The following C10orf53 variants were observed in gnomAD, a reference collection of about 807,000 sequenced individuals.
The protein encoded by C10orf53 is UPF0728 protein C10orf53.
C10orf53 carries 8 observed loss-of-function variants against 9.4 expected under a neutral mutation model. The observed-to-expected ratio is 0.85, with a 90% CI of 0.50 to 1.53. The LOEUF (loss-of-function observed/expected upper bound fraction) is 1.53, where lower values mean the gene tolerates loss of function less well. Ranked by LOEUF, C10orf53 falls within the 40% of genes most tolerant of loss-of-function variation. C10orf53 has a pLI of 0.00. For missense variants in C10orf53, 117 were observed against 117.8 expected, an observed-to-expected ratio of 0.99 and a Z score of 0.03; for synonymous variants, 48 against 46.0, an observed-to-expected ratio of 1.04 and a Z score of -0.18.
In C10orf53 at chr10:49,693,880, G is replaced by T; in HGVS notation, c.204G>T (p.Lys68Asn). The change falls in exon 2 of 3, where the codon AAG (lysine) becomes AAT (asparagine). Residue 68 changes from lysine (K) to asparagine (N), a missense_variant. Coordinates refer to ENST00000374111, the MANE Select transcript of C10orf53 (RefSeq NM_001042427.3). Reference protein sequence around the residue: ...NEEVIFHCNIKDLEFGGDGKL... With the variant: ...NEEVIFHCNINDLEFGGDGKL... ...AAGTCATCTTCCACTGCAACATTAAGGACTTGGAGTTCGGTAAGCCCTTTG... is the reference window on the plus strand; with the variant it reads ...AAGTCATCTTCCACTGCAACATTAATGACTTGGAGTTCGGTAAGCCCTTTG... 2.5e-6 allele frequency: 4 copies of T among 1,614,274 alleles called. No homozygotes were observed. Among genetic ancestry groups the T allele is most frequent in the Non-Finnish European group, 3.4e-6 (4 of 1,180,046 alleles).
chr10:49,697,304 C>T lies in C10orf53; in HGVS notation c.*2702C>T, dbSNP rs1840644475. On this transcript the variant is annotated 3_prime_UTR_variant, in exon 3 of 3. Transcript: ENST00000374111. ...TGGAAATCTCTGAAGAATGTGCTGT[C>T]ATCCTCCTCCTTTGCCTCCCTCTCT... Among the ~76,000 whole-genome samples the T allele has an allele frequency of 6.6e-6, 1 of 152,202 alleles. No homozygotes were observed. Among genetic ancestry groups the T allele is most frequent in the South Asian group, 2.1e-4 (1 of 4,830 alleles).
chr10:49,701,967 C>T (rs757623954), downstream of C10orf53, among the ~76,000 whole-genome samples: 17 of 152,140 alleles, frequency 1.1e-4, no homozygotes, highest in South Asian at 1.7e-3. Flanking sequence ...TTTGGGAGGC[C>T]GAGGTGGGTG....
At chr10:49,703,145 C>T (rs1051850460) in intron 2 of C10orf53, among the ~76,000 whole-genome samples, 2 of 152,134 alleles carry the variant, frequency 1.3e-5, no homozygotes, top group Admixed American at 1.3e-4. Context: ...CCCGCCAATT[C>T]CACCAAGACT....
At chr10:49,707,252 C>A (rs1167290655) in intron 2 of C10orf53, among the ~76,000 whole-genome samples, 1 of 152,110 alleles carries the variant, frequency 6.6e-6, no homozygotes, top group African/African-American at 2.4e-5. Flanking sequence ...AGGTGAGGGA[C>A]CTGACCAAGC....
Position 49,708,627 on chromosome 10 carries a change from G to T in C10orf53, c.*10G>T, listed in dbSNP as rs758325942. The T allele has an allele frequency of 3.7e-6, 6 of 1,612,968 alleles. No homozygotes were observed. In the East Asian group the frequency reaches 1.3e-4, roughly 36 times the overall value. On this transcript the variant is annotated 3_prime_UTR_variant, in exon 3 of 3. Transcript: ENST00000374112. Reference sequence around the variant, plus strand: ...AACTCAGCCCTACTGAAATCGACAGGACAGATTGTGGGAAAGGGGTTCATT... The same window carrying T: ...AACTCAGCCCTACTGAAATCGACAGTACAGATTGTGGGAAAGGGGTTCATT...
intron 1 of C10orf53, among the ~76,000 whole-genome samples, chr10:49,685,629 G>GT (rs1255600754): frequency 6.6e-6 from 1 of 152,122 alleles, no homozygotes; most frequent in African/African-American, 2.4e-5. Context: ...ACAGGTTCTT[G>GT]TTTTTTTCCT....
downstream of C10orf53, among the ~76,000 whole-genome samples, chr10:49,697,873 G>T (rs778860650): frequency 7.2e-5 from 11 of 152,180 alleles, no homozygotes; most frequent in Non-Finnish European, 1.3e-4. Flanking sequence ...ATGAAATTTG[G>T]AGTCTCTAAA....
rs1391729300 is a variant in C10orf53, at chr10:49,697,512, A to C, written c.*2910A>C. 6.6e-6 allele frequency among the ~76,000 whole-genome samples: 1 copy of C among 152,234 alleles called. No homozygotes were observed. Among genetic ancestry groups the C allele is most frequent in the Non-Finnish European group, 1.5e-5 (1 of 68,040 alleles). On this transcript the variant is annotated 3_prime_UTR_variant, in exon 3 of 3. Transcript: ENST00000374111. ...CAATGTCGTTATGATTAACATGTAA[A>C]GAAAGTGTATTTTAAAATAAAGTTA...
At chr10:49,700,613 A>G (rs1260000831), downstream of C10orf53, among the ~76,000 whole-genome samples, 2 of 152,132 alleles carry the variant, frequency 1.3e-5, no homozygotes, top group Non-Finnish European at 2.9e-5. Context: ...CCTGATTCTC[A>G]TATCTTTCTA....
Position 49,694,808 on chromosome 10 carries a change from C to A in C10orf53, c.*206C>A. On this transcript the variant is annotated 3_prime_UTR_variant, in exon 3 of 3. Transcript: ENST00000374111. Reference sequence around the variant, plus strand: ...CCCACAGAAATAATAAAAACCACATCATTTATAACATGTCTCAATCTCAAC... The same window carrying A: ...CCCACAGAAATAATAAAAACCACATAATTTATAACATGTCTCAATCTCAAC... 7.2e-7 allele frequency: 1 copy of A among 1,384,398 alleles called. No homozygotes were observed. Among genetic ancestry groups the A allele is most frequent in the Non-Finnish European group, 9.3e-7 (1 of 1,071,698 alleles). 85.8% of individuals were successfully genotyped at this position (1,384,398 alleles called of 1,614,324 possible).
intron 1 of C10orf53, among the ~76,000 whole-genome samples, chr10:49,688,240 T>G (rs768007793): frequency 2.6e-5 from 4 of 151,824 alleles, no homozygotes; most frequent in African/African-American, 4.8e-5. Context: ...TTGCAGTTTC[T>G]CAGGCCAGAC....
At chr10:49,700,921 A>G (rs1361668051), downstream of C10orf53, among the ~76,000 whole-genome samples, 2 of 152,172 alleles carry the variant, frequency 1.3e-5, no homozygotes, top group Non-Finnish European at 2.9e-5. Flanking sequence ...ACCACACAGG[A>G]GGACTCTTTT....
chr10:49,709,671 A>T (rs377316653), exon 3 of C10orf53: 3 of 152,270 alleles, frequency 2.0e-5, no homozygotes, highest in East Asian at 3.9e-4. Context: ...GGCATAAGAG[A>T]CCCTTTACGA....
intron 1 of C10orf53, among the ~76,000 whole-genome samples, chr10:49,691,883 CGA>C (rs1412373644): frequency 1.1e-4 from 16 of 152,336 alleles, no homozygotes; most frequent in Admixed American, 5.2e-4. Flanking sequence ...TGTTAACTGC[CGA>C]GTGGCAGCAC....
At chr10:49,682,713 C>T (rs1338611404) in intron 1 of C10orf53, among the ~76,000 whole-genome samples, 4 of 152,068 alleles carry the variant, frequency 2.6e-5, no homozygotes, top group Non-Finnish European at 5.9e-5. Context: ...ATTTACAATC[C>T]TCTAGCTAGA....
At chr10:49,682,090 C>T (rs185703881) in intron 1 of C10orf53, among the ~76,000 whole-genome samples, 2 of 152,232 alleles carry the variant, frequency 1.3e-5, no homozygotes, top group African/African-American at 4.8e-5. Context: ...CTAAAAATAA[C>T]GTGGGTAAAA....
At chr10:49,682,557 TGCTGGC>T (rs1840489728) in intron 1 of C10orf53, among the ~76,000 whole-genome samples, 1 of 1,496 alleles carries the variant, frequency 6.7e-4, no homozygotes. Flanking sequence ...CAGTTGCTGC[TGCTGGC>T]GCAGGGGGAC....
chr10:49,693,649 C>A, intron 1 of C10orf53, 125 bp from the exon 2 acceptor site: 3 of 1,194,408 alleles, frequency 2.5e-6, no homozygotes, highest in Non-Finnish European at 3.6e-6. Context: ...CCTACCAGGG[C>A]AGTTGAGTGA....
chr10:49,686,460 C>CG, intron 1 of C10orf53, among the ~76,000 whole-genome samples: 1 of 152,260 alleles, frequency 6.6e-6, no homozygotes, highest in Middle Eastern at 3.4e-3. Flanking sequence ...GGTCTGCCTG[C>CG]GGGGTCGGGC....
Sources: gnomAD v4.1 joint callset for allele counts (sites outside exome capture counted in the v4.1 genomes callset) on GRCh38, gnomAD v4.1.1 for gene constraint, MANE v1.5 for transcripts, NCBI Gene and HGNC (gene_info 2026-07-23, HGNC 2026-07-21) for gene names.